The following SLC25A26 variants were observed in gnomAD, a reference collection of about 807,000 sequenced individuals.
SLC25A26 encodes solute carrier family 25 member 26.
In SLC25A26, 36 loss-of-function variants were observed where a neutral mutation model predicts 37.8. The ratio of observed to expected loss-of-function variants is 0.95; its 90% confidence interval spans 0.73 to 1.26. The LOEUF is 1.26. Ranked by LOEUF, SLC25A26 falls within the 50% of genes most tolerant of loss-of-function variation. The probability of loss-of-function intolerance (pLI) is 0.00; values close to 1 mark genes in which losing one functional copy is unlikely to be tolerated. For missense variants in SLC25A26, 390 were observed against 331.1 expected (o/e 1.18, Z -1.38); for synonymous variants, 129 against 122.5 (o/e 1.05, Z -0.35).
chr3:66,204,954 G>C (rs2071158388), intron 1 of SLC25A26, among the ~76,000 whole-genome samples: 1 of 152,288 alleles, frequency 6.6e-6, no homozygotes, highest in Admixed American at 6.5e-5. Flanking sequence ...AGGGCTAATG[G>C]GGCTCTGAGA....
intron 2 of SLC25A26, 64 bp downstream of exon 2, chr3:66,236,764 G>T: frequency 7.9e-7 from 1 of 1,261,702 alleles, no homozygotes; most frequent in East Asian, 2.7e-5. Flanking sequence ...AATGGTGTGT[G>T]GTCTTACCCC....
Position 66,221,002 on chromosome 3 carries a change from G to T in SLC25A26, c.-93G>T. The T allele has an allele frequency of 1.5e-6, 2 of 1,372,270 alleles. No individual in the cohort carries two copies. The highest frequency in any genetic ancestry group is 2.0e-6 in the Non-Finnish European group (2 of 997,380). 85.0% of individuals were successfully genotyped at this position (1,372,270 alleles called of 1,614,324 possible). A position where few individuals can be genotyped will look rare whatever the true frequency, so the allele number is the denominator to read the frequency against. ...CACGTGGTCCCGGAAGTTCAAGACA[G>T]ACCCGCCTCAAACATGGCGGCGCCC... On this transcript the variant is annotated 5_prime_UTR_variant, in exon 1 of 10. Coordinates refer to ENST00000354883, the MANE Select transcript of SLC25A26 (RefSeq NM_001379210.1).
intron 1 of SLC25A26, among the ~76,000 whole-genome samples, chr3:66,163,503 C>T (rs2106716692): frequency 1.3e-5 from 2 of 152,304 alleles, no homozygotes; most frequent in South Asian, 4.1e-4. Flanking sequence ...TTTATTTCAT[C>T]TCTGTTGTCT....
At chr3:66,137,892 A>T (rs1295163531) in intron 1 of SLC25A26, among the ~76,000 whole-genome samples, 1 of 151,916 alleles carries the variant, frequency 6.6e-6, no homozygotes, top group Non-Finnish European at 1.5e-5. Context: ...GGAGTGCAGT[A>T]GCCCAATCTT....
intron 1 of SLC25A26, among the ~76,000 whole-genome samples, chr3:66,150,541 ATAT>A (rs2070185805): frequency 7.5e-6 from 1 of 133,062 alleles, no homozygotes; most frequent in Non-Finnish European, 1.6e-5. Context: ...ATATATATAT[ATAT>A]AAAATATATA....
intron 5 of SLC25A26, among the ~76,000 whole-genome samples, chr3:66,321,478 C>A (rs1390470763): frequency 6.6e-6 from 1 of 152,168 alleles, no homozygotes. Flanking sequence ...GTTTGAGAAA[C>A]CCTTCCGTGT....
chr3:66,241,733 T>A (rs2072593666), intron 2 of SLC25A26, among the ~76,000 whole-genome samples: 1 of 152,164 alleles, frequency 6.6e-6, no homozygotes, highest in Non-Finnish European at 1.5e-5. Context: ...GGTTTTAATC[T>A]AAGTACAGAA....
At chr3:66,286,478 G>A (rs1453509668) in intron 5 of SLC25A26, among the ~76,000 whole-genome samples, 1 of 151,510 alleles carries the variant, frequency 6.6e-6, no homozygotes. Flanking sequence ...AAATGCTTTT[G>A]CATCTTTTAA....
At chr3:66,240,193 C>G (rs1576688385) in intron 2 of SLC25A26, among the ~76,000 whole-genome samples, 1 of 152,334 alleles carries the variant, frequency 6.6e-6, no homozygotes, top group Admixed American at 6.5e-5. Flanking sequence ...TCCGCAACAC[C>G]TGAACTCACT....
At chr3:66,161,684 C>T (rs2070362045) in intron 1 of SLC25A26, among the ~76,000 whole-genome samples, 1 of 152,176 alleles carries the variant, frequency 6.6e-6, no homozygotes. Context: ...GGATGACTGA[C>T]ATAATATTTT....
chr3:66,301,260 C>G (rs2075068208), intron 5 of SLC25A26, among the ~76,000 whole-genome samples: 1 of 152,224 alleles, frequency 6.6e-6, no homozygotes, highest in African/African-American at 2.4e-5. Flanking sequence ...AGTTAATTTA[C>G]ATACTAGCTG....
At chr3:66,255,460 C>A (rs574010300) in intron 3 of SLC25A26, among the ~76,000 whole-genome samples, 1 of 149,738 alleles carries the variant, frequency 6.7e-6, no homozygotes, top group African/African-American at 2.4e-5. Flanking sequence ...GCCAGCATTG[C>A]ATTTTGATTT....
intron 5 of SLC25A26, among the ~76,000 whole-genome samples, chr3:66,311,011 G>T (rs1346892074): frequency 6.6e-6 from 1 of 152,054 alleles, no homozygotes; most frequent in East Asian, 1.9e-4. Context: ...GGTGCTCTCT[G>T]TATTTCCTGA....
chr3:66,182,463 T>G (rs1021092974), intron 1 of SLC25A26, among the ~76,000 whole-genome samples: 4 of 152,172 alleles, frequency 2.6e-5, no homozygotes, highest in African/African-American at 9.7e-5. Flanking sequence ...ATCATCACCG[T>G]GTATTTTTAG....
intron 1 of SLC25A26, among the ~76,000 whole-genome samples, chr3:66,201,264 T>A (rs1278649771): frequency 6.6e-6 from 1 of 151,582 alleles, no homozygotes; most frequent in Non-Finnish European, 1.5e-5. Context: ...CATATAGTTA[T>A]ATATTATATT....
At chr3:66,135,387 G>A (rs2069931362) in intron 1 of SLC25A26, among the ~76,000 whole-genome samples, 2 of 152,226 alleles carry the variant, frequency 1.3e-5, no homozygotes, top group East Asian at 1.9e-4. Flanking sequence ...CGGCCTTAAA[G>A]TTCATGTATT....
At chr3:66,237,216 T>C (rs2072336491) in intron 2 of SLC25A26, among the ~76,000 whole-genome samples, 1 of 152,164 alleles carries the variant, frequency 6.6e-6, no homozygotes, top group African/African-American at 2.4e-5. Flanking sequence ...AAAAAAGCAA[T>C]CTTTTAAAAA....
At chr3:66,178,647 G>C (rs945543382) in intron 1 of SLC25A26, among the ~76,000 whole-genome samples, 3 of 152,128 alleles carry the variant, frequency 2.0e-5, no homozygotes, top group African/African-American at 7.2e-5. Flanking sequence ...AGCATTCCCT[G>C]ATAACATTCT....
intron 1 of SLC25A26, among the ~76,000 whole-genome samples, chr3:66,223,139 A>G (rs1369653760): frequency 6.6e-6 from 1 of 152,248 alleles, no homozygotes; most frequent in African/African-American, 2.4e-5. Context: ...AATAAGTGCT[A>G]TGAAAGAAAT....
Sources: allele counts gnomAD v4.1 joint callset (sites outside exome capture counted in the v4.1 genomes callset), GRCh38; gene constraint gnomAD v4.1.1; transcripts MANE v1.5; gene names NCBI Gene and HGNC (gene_info 2026-07-23, HGNC 2026-07-21).